PDGFC: variants seen among roughly 807,000 people sequenced by gnomAD.
PDGFC encodes the protein platelet-derived growth factor C.
A neutral mutation model predicts 35.5 loss-of-function variants in PDGFC; 12 were observed. That is an observed-to-expected ratio of 0.34 (90% CI 0.22 to 0.55). The LOEUF (loss-of-function observed/expected upper bound fraction) is 0.55, where lower values mean the gene tolerates loss of function less well. PDGFC is among the 20% of genes least tolerant of loss of function. The pLI is 0.91. For synonymous variants in PDGFC, 159 were observed against 148.8 expected (o/e 1.07, Z -0.50); for missense variants, 322 against 412.4 (o/e 0.78, Z 1.90).
At chr4:156,916,692 A>ACT (rs1247277892) in intron 1 of PDGFC, among the ~76,000 whole-genome samples, 4 of 152,002 alleles carry the variant, frequency 2.6e-5, no homozygotes, top group African/African-American at 9.7e-5. Context: ...AGAACTTGCT[A>ACT]CTCTCTCTGA....
chr4:156,969,141 AGAAGCCAG>A (rs552260923), intron 1 of PDGFC, among the ~76,000 whole-genome samples: 195 of 152,374 alleles, frequency 1.3e-3, no homozygotes, highest in African/African-American at 4.4e-3. Context: ...AATAAAAAAC[AGAAGCCAG>A]GAAGCCAGGA....
chr4:156,824,311 TATATATATATATATATACACACACAC>T (rs1560827428), intron 2 of PDGFC, among the ~76,000 whole-genome samples: 2,747 of 45,838 alleles, frequency 0.06, 146 homozygotes, highest in African/African-American at 0.18. Flanking sequence ...TATATATATA[TATATATATATATATATACACACACAC>T]ACACACACAC....
chr4:156,954,498 A>G (rs1485912189), intron 1 of PDGFC, among the ~76,000 whole-genome samples: 2 of 152,008 alleles, frequency 1.3e-5, no homozygotes, highest in East Asian at 1.9e-4. Context: ...AAATAATTCA[A>G]AACAAAAAAT....
rs186712258 is a variant in PDGFC, at chr4:156,762,348, T to C, written c.*742A>G. 6.5e-6 allele frequency: 1 copy of C among 152,722 alleles called. No individual in the cohort carries two copies. Among genetic ancestry groups the C allele is most frequent in the African/African-American group, 2.4e-5 (1 of 41,578 alleles). 9.5% of individuals were successfully genotyped at this position (152,722 alleles called of 1,614,324 possible). A position where few individuals can be genotyped will look rare whatever the true frequency, so the allele number is the denominator to read the frequency against. On this transcript the variant is annotated 3_prime_UTR_variant, in exon 6 of 6. Coordinates refer to ENST00000502773, the MANE Select transcript of PDGFC (RefSeq NM_016205.3). ...ACAAGATTAGAAAAGCCAACAGTTATAATGTCAAAAGGAGAATATAAAAAT... is the reference window on the plus strand; with the variant it reads ...ACAAGATTAGAAAAGCCAACAGTTACAATGTCAAAAGGAGAATATAAAAAT...
At chr4:156,773,339 C>G (rs369178747) in intron 3 of PDGFC, among the ~76,000 whole-genome samples, 1 of 152,044 alleles carries the variant, frequency 6.6e-6, no homozygotes, top group East Asian at 1.9e-4. Flanking sequence ...AGATCTAGAA[C>G]AAAATAGTTA....
intron 3 of PDGFC, among the ~76,000 whole-genome samples, chr4:156,796,617 A>C (rs1731449706): frequency 1.4e-5 from 2 of 148,088 alleles, no homozygotes; most frequent in Non-Finnish European, 3.0e-5. Context: ...GAAATTATGG[A>C]TTTCACTATA....
intron 5 of PDGFC, among the ~76,000 whole-genome samples, chr4:156,763,781 C>A (rs1560801357): frequency 6.6e-6 from 1 of 152,300 alleles, no homozygotes; most frequent in South Asian, 2.1e-4. Context: ...ACATCAGCCC[C>A]AGTCACAGCT....
intron 1 of PDGFC, among the ~76,000 whole-genome samples, chr4:156,968,565 C>G (rs959450422): frequency 2.0e-5 from 3 of 152,228 alleles, no homozygotes; most frequent in Non-Finnish European, 4.4e-5. Flanking sequence ...TCTAACAAAT[C>G]TGGTTACATT....
intron 1 of PDGFC, among the ~76,000 whole-genome samples, chr4:156,962,843 G>C (rs1235792321): frequency 2.0e-5 from 3 of 152,028 alleles, no homozygotes; most frequent in Admixed American, 2.0e-4. Context: ...TGGCACCTAA[G>C]AGTCACTCCT....
chr4:156,786,421 A>G (rs1731130140), intron 3 of PDGFC, among the ~76,000 whole-genome samples: 1 of 152,222 alleles, frequency 6.6e-6, no homozygotes, highest in Non-Finnish European at 1.5e-5. Context: ...GTGCAAGCAA[A>G]ACCTTAAGGA....
chr4:156,840,529 A>C (rs1729176063), intron 2 of PDGFC, among the ~76,000 whole-genome samples: 1 of 152,226 alleles, frequency 6.6e-6, no homozygotes, highest in Admixed American at 6.5e-5. Flanking sequence ...TTGCTAGGGC[A>C]ATGCAGAAGG....
intron 1 of PDGFC, among the ~76,000 whole-genome samples, chr4:156,902,023 G>A (rs1208721314): frequency 1.3e-5 from 2 of 152,148 alleles, no homozygotes; most frequent in African/African-American, 4.8e-5. Context: ...GAGCAGGATG[G>A]GTTGGGTTGA....
Position 156,864,205 on chromosome 4 carries a change from T to A in PDGFC, c.119-13789A>T, listed in dbSNP as rs574257623. Among the ~76,000 whole-genome samples the A allele has an allele frequency of 7.2e-5, 11 of 152,212 alleles. No individual in the cohort carries two copies. The South Asian group carries it at 1.9e-3, about 26-fold the overall frequency. ...GTGGATAAAAAGGGTAATGTAAGGG[T>A]TGGTTTCTGAACTACCATTGCTTAC... On this transcript the variant is annotated intron_variant, in intron 1 of 5. Transcript: ENST00000502773.
chr4:156,913,681 CT>C (rs2110814335), intron 1 of PDGFC, among the ~76,000 whole-genome samples: 1 of 53,368 alleles, frequency 1.9e-5, no homozygotes, highest in East Asian at 8.1e-4. Flanking sequence ...TCTTTTGCTT[CT>C]TCTTAGGTGA....
intron 1 of PDGFC, among the ~76,000 whole-genome samples, chr4:156,875,099 C>A (rs929120640): frequency 1.3e-5 from 2 of 151,790 alleles, no homozygotes; most frequent in African/African-American, 2.4e-5. Flanking sequence ...TCAGATATTG[C>A]AATTAACAGG....
chr4:156,870,329 G>T (rs1210970669), intron 1 of PDGFC, among the ~76,000 whole-genome samples: 1 of 151,744 alleles, frequency 6.6e-6, no homozygotes, highest in East Asian at 1.9e-4. Context: ...GCCTCCAAAG[G>T]AATTTCATCA....
At chr4:156,768,068 A>G in intron 4 of PDGFC, 78 bp from the exon 5 acceptor site, 2 of 846,324 alleles carry the variant, frequency 2.4e-6, no homozygotes, top group Non-Finnish European at 3.9e-6. Context: ...AGCTCTTTTC[A>G]TAAAGAAATC....
intron 2 of PDGFC, among the ~76,000 whole-genome samples, chr4:156,847,548 C>A (rs1729354811): frequency 6.6e-6 from 1 of 151,698 alleles, no homozygotes; most frequent in East Asian, 1.9e-4. Context: ...TGAAAAAGAT[C>A]CTGAAACAGA....
rs1362996967 is a variant in PDGFC at position 156,971,450 on chromosome 4, G to A, written c.-547C>T. The A allele has an allele frequency of 3.1e-6, 1 of 326,524 alleles. No individual in the cohort carries two copies. Among genetic ancestry groups the A allele is most frequent in the Non-Finnish European group, 5.5e-6 (1 of 181,166 alleles). 20.2% of individuals were successfully genotyped at this position (326,524 alleles called of 1,614,324 possible). ...CGAAGGGGGAGGGGGAAGAAACAAG[G>A]CGAGGGCGCCGCGGCGGGTCCCACG... On this transcript the variant is annotated 5_prime_UTR_variant, in exon 1 of 6. Coordinates refer to ENST00000502773, the MANE Select transcript of PDGFC (RefSeq NM_016205.3).
Sources: allele counts gnomAD v4.1 joint callset (sites outside exome capture counted in the v4.1 genomes callset), GRCh38; gene constraint gnomAD v4.1.1; transcripts MANE v1.5; gene names NCBI Gene and HGNC (gene_info 2026-07-23, HGNC 2026-07-21).